The following TTLL11 variants were observed in gnomAD, a reference collection of about 807,000 sequenced individuals.
TTLL11 encodes tubulin tyrosine ligase like 11.
TTLL11 carries 42 observed loss-of-function variants against 51.7 expected under a neutral mutation model. That is an observed-to-expected ratio of 0.81 (90% CI 0.64 to 1.05). TTLL11 has a LOEUF of 1.05. Among genes scored for constraint, TTLL11 ranks in the 50% least tolerant of loss-of-function variants. The pLI is 0.00. For synonymous variants in TTLL11, 381 were observed against 383.5 expected, an observed-to-expected ratio of 0.99 and a Z score of 0.08; for missense variants, 799 against 940.4, an observed-to-expected ratio of 0.85 and a Z score of 1.97.
At chr9:121,892,756 C>T (rs1282062339) in intron 6 of TTLL11, among the ~76,000 whole-genome samples, 1 of 152,214 alleles carries the variant, frequency 6.6e-6, no homozygotes, top group Non-Finnish European at 1.5e-5. Flanking sequence ...GAAGCTCCTC[C>T]CTGGAAAATA....
intron 6 of TTLL11, among the ~76,000 whole-genome samples, chr9:121,883,875 T>C (rs565462628): frequency 6.6e-6 from 1 of 152,230 alleles, no homozygotes; most frequent in Admixed American, 6.5e-5. Context: ...GCAGGGAGGA[T>C]GAATCACGCA....
At chr9:122,083,749 G>A (rs551973707) in intron 1 of TTLL11, among the ~76,000 whole-genome samples, 60 of 152,260 alleles carry the variant, frequency 3.9e-4, no homozygotes, top group African/African-American at 1.3e-3. Context: ...GGCAGAGGTT[G>A]CAGTGAGCCA....
chr9:122,039,971 G>C (rs537899880), intron 1 of TTLL11, among the ~76,000 whole-genome samples: 1 of 151,742 alleles, frequency 6.6e-6, no homozygotes, highest in Non-Finnish European at 1.5e-5. Context: ...CCCCAAACTC[G>C]TAAAGACTTC....
At chr9:122,069,248 T>C (rs1845669004) in intron 1 of TTLL11, among the ~76,000 whole-genome samples, 1 of 152,152 alleles carries the variant, frequency 6.6e-6, no homozygotes, top group African/African-American at 2.4e-5. Context: ...GCATGGTCCC[T>C]ACCTGTGCAG....
chr9:121,872,459 A>T (rs1480826844), intron 6 of TTLL11, among the ~76,000 whole-genome samples: 1 of 152,236 alleles, frequency 6.6e-6, no homozygotes, highest in Admixed American at 6.5e-5. Flanking sequence ...CCTGAAACAT[A>T]CTTGGTGTTT....
At chr9:122,014,735 T>C (rs1054748836) in intron 3 of TTLL11, among the ~76,000 whole-genome samples, 4 of 152,196 alleles carry the variant, frequency 2.6e-5, no homozygotes, top group Admixed American at 2.6e-4. Context: ...CTATAGGCCA[T>C]GGGACTGTGG....
intron 6 of TTLL11, among the ~76,000 whole-genome samples, chr9:121,896,463 C>G (rs1839529767): frequency 1.3e-5 from 2 of 152,190 alleles, no homozygotes; most frequent in African/African-American, 4.8e-5. Flanking sequence ...AGTCTTGGTG[C>G]CCAACCTCTT....
At chr9:121,965,804 G>T (rs1318372168) in intron 6 of TTLL11, among the ~76,000 whole-genome samples, 3 of 152,196 alleles carry the variant, frequency 2.0e-5, no homozygotes, top group Non-Finnish European at 4.4e-5. Context: ...AAGGGGCAGG[G>T]TTCTGGGTCT....
At chr9:121,847,041 T>C (rs573538729) in intron 8 of TTLL11, among the ~76,000 whole-genome samples, 1 of 152,090 alleles carries the variant, frequency 6.6e-6, no homozygotes, top group African/African-American at 2.4e-5. Context: ...AAACCCCATC[T>C]CTACTAAAAA....
At chr9:121,956,665 C>T (rs992114587) in intron 6 of TTLL11, among the ~76,000 whole-genome samples, 5 of 151,636 alleles carry the variant, frequency 3.3e-5, no homozygotes, top group African/African-American at 4.9e-5. Context: ...TCCGGTGGCC[C>T]GGGACAGACA....
chr9:121,868,647 C>A (rs776660392), intron 7 of TTLL11, among the ~76,000 whole-genome samples: 11 of 152,128 alleles, frequency 7.2e-5, no homozygotes, highest in Non-Finnish European at 1.6e-4. Context: ...CATGGATCAT[C>A]CTGTGGAGTC....
chr9:122,033,969 C>A (rs1347203057), intron 2 of TTLL11, among the ~76,000 whole-genome samples: 1 of 152,210 alleles, frequency 6.6e-6, no homozygotes, highest in Non-Finnish European at 1.5e-5. Flanking sequence ...ATAATAAACA[C>A]TAGAGCTGAC....
At chr9:121,961,168 A>T (rs901791428) in intron 6 of TTLL11, among the ~76,000 whole-genome samples, 1 of 152,176 alleles carries the variant, frequency 6.6e-6, no homozygotes, top group Non-Finnish European at 1.5e-5. Flanking sequence ...CTCACGGTCG[A>T]AGATGAACCT....
intron 1 of TTLL11, among the ~76,000 whole-genome samples, chr9:122,061,898 A>C (rs1588248380): frequency 6.6e-6 from 1 of 152,280 alleles, no homozygotes; most frequent in East Asian, 1.9e-4. Context: ...GGCCTCCCAA[A>C]GTGCTGGGAT....
intron 3 of TTLL11, among the ~76,000 whole-genome samples, chr9:122,000,335 G>A (rs140342669): frequency 1.3e-5 from 2 of 152,102 alleles, no homozygotes; most frequent in East Asian, 1.9e-4. Flanking sequence ...AGCCAGATGT[G>A]GTGGCGGGCA....
chr9:121,993,160 C>G (rs879208870), intron 3 of TTLL11, among the ~76,000 whole-genome samples: 2 of 152,036 alleles, frequency 1.3e-5, no homozygotes, highest in Admixed American at 6.5e-5. Flanking sequence ...TTATTGGGTA[C>G]AGAGTTTCAG....
chr9:121,822,981 G>A lies in TTLL11; in HGVS notation c.1841-102C>T, dbSNP rs373123523. 8.5e-6 allele frequency: 11 copies of A among 1,292,908 alleles called. No individual in the cohort carries two copies. The highest frequency in any genetic ancestry group is 2.8e-5 in the Admixed American group (1 of 35,776). The allele number at this position is 1,292,908 out of a possible 1,614,324, so 80.1% of individuals were successfully genotyped here. A position where few individuals can be genotyped will look rare whatever the true frequency, so the allele number is the denominator to read the frequency against. Reference sequence around the variant, plus strand: ...AAGGATGTCAGCAAGAGCTAGCCCCGCTCCCCACCACCGTCTCCATTCCAG... The same window carrying A: ...AAGGATGTCAGCAAGAGCTAGCCCCACTCCCCACCACCGTCTCCATTCCAG... On this transcript the variant is annotated intron_variant, in intron 8 of 8. Transcript: ENST00000321582. This position sits in a 1 kb window ranked among gnomAD's most constrained non-coding sequence, Gnocchi z 5.8.
intron 6 of TTLL11, among the ~76,000 whole-genome samples, chr9:121,911,633 G>T (rs1840123529): frequency 6.6e-6 from 1 of 152,174 alleles, no homozygotes; most frequent in Non-Finnish European, 1.5e-5. Flanking sequence ...CATGTCCTTT[G>T]CAGGGACATG....
intron 6 of TTLL11, among the ~76,000 whole-genome samples, chr9:121,931,857 G>A (rs1358524712): frequency 7.2e-5 from 11 of 152,140 alleles, no homozygotes; most frequent in South Asian, 4.2e-4. Context: ...GGCTCCTCTC[G>A]CCCCATCTTC....
Sources: gnomAD v4.1 joint callset for allele counts (sites outside exome capture counted in the v4.1 genomes callset) on GRCh38, gnomAD v4.1.1 for gene constraint, Gnocchi (gnomAD v3.1) non-coding constraint, MANE v1.5 for transcripts, NCBI Gene and HGNC (gene_info 2026-07-23, HGNC 2026-07-21) for gene names.